CTNNA3: variants seen among roughly 807,000 people sequenced by gnomAD.
CTNNA3 encodes catenin alpha-3.
CTNNA3 carries 76 observed loss-of-function variants against 95.7 expected under a neutral mutation model. The ratio of observed to expected loss-of-function variants is 0.79; its 90% CI spans 0.66 to 0.96. The LOEUF (loss-of-function observed/expected upper bound fraction) is 0.96, where lower values mean the gene tolerates loss of function less well. Among genes scored for constraint, CTNNA3 ranks in the 40% least tolerant of loss-of-function variants. The probability of loss-of-function intolerance (pLI) is 0.00; values close to 1 mark genes in which losing one functional copy is unlikely to be tolerated. For synonymous variants in CTNNA3, 431 were observed against 374.4 expected, an observed-to-expected ratio of 1.15 and a Z score of -1.74; for missense variants, 1,191 against 1,089.8, an observed-to-expected ratio of 1.09 and a Z score of -1.31.
chr10:66,689,648 C>T (rs2132531402), intron 9 of CTNNA3, among the ~76,000 whole-genome samples: 1 of 152,128 alleles, frequency 6.6e-6, no homozygotes, highest in East Asian at 1.9e-4. Context: ...TCTCAAAGCT[C>T]TTTGACATAT....
At chr10:66,391,275 C>A (rs1589183055) in intron 11 of CTNNA3, among the ~76,000 whole-genome samples, 1 of 143,702 alleles carries the variant, frequency 7.0e-6, no homozygotes, top group East Asian at 2.0e-4. Flanking sequence ...AACTCTGCAG[C>A]ACTTATTCAC....
chr10:66,140,052 C>G (rs10996929), intron 13 of CTNNA3, among the ~76,000 whole-genome samples: 22,870 of 152,160 alleles, frequency 0.15, 2,163 homozygotes, highest in Middle Eastern at 0.22. Context: ...ATCATTAAAG[C>G]AGCTATAAAA....
At chr10:67,254,506 C>T (rs1438744375) in intron 5 of CTNNA3, among the ~76,000 whole-genome samples, 1 of 152,094 alleles carries the variant, frequency 6.6e-6, no homozygotes, top group Non-Finnish European at 1.5e-5. Context: ...GCACTGGAAC[C>T]TAGGTCTTTC....
chr10:67,726,501 A>AATAAATT (rs1841224009), intron 1 of CTNNA3, among the ~76,000 whole-genome samples: 1 of 55,952 alleles, frequency 1.8e-5, no homozygotes, highest in African/African-American at 8.8e-5. Context: ...TACAATATAT[A>AATAAATT]ATATATTATA....
intron 1 of CTNNA3, among the ~76,000 whole-genome samples, chr10:67,687,036 T>G (rs1840745582): frequency 6.6e-6 from 1 of 152,128 alleles, no homozygotes. Context: ...GAGCAAAGTC[T>G]CCCAGTTACA....
intron 1 of CTNNA3, among the ~76,000 whole-genome samples, chr10:67,755,071 T>C (rs1436492385): frequency 2.0e-5 from 3 of 152,066 alleles, no homozygotes; most frequent in African/African-American, 7.2e-5. Flanking sequence ...ATGCCTGTAG[T>C]AGTCCTAGCT....
intron 13 of CTNNA3, among the ~76,000 whole-genome samples, chr10:66,259,900 G>T (rs369867054): frequency 6.6e-6 from 1 of 152,186 alleles, no homozygotes; most frequent in Non-Finnish European, 1.5e-5. Context: ...GAGTGTAAAC[G>T]AAAGAGTTGA....
intron 1 of CTNNA3, among the ~76,000 whole-genome samples, chr10:67,668,229 T>A (rs184764753): frequency 7.0e-6 from 1 of 143,452 alleles, no homozygotes; most frequent in African/African-American, 3.0e-5. Flanking sequence ...AGAGATTGAA[T>A]AAGCAGTGAA....
chr10:66,979,301 G>T (rs1043287476), intron 7 of CTNNA3, among the ~76,000 whole-genome samples: 4 of 151,980 alleles, frequency 2.6e-5, no homozygotes, highest in Non-Finnish European at 5.9e-5. Flanking sequence ...TTTAGAATTG[G>T]TTCATCCTAA....
intron 12 of CTNNA3, among the ~76,000 whole-genome samples, chr10:66,327,627 A>G (rs2092270905): frequency 6.6e-6 from 1 of 152,038 alleles, no homozygotes; most frequent in South Asian, 2.1e-4. Context: ...CAAAAATATT[A>G]TCTCTAATCT....
At chr10:67,691,063 C>T (rs9971102) in intron 1 of CTNNA3, among the ~76,000 whole-genome samples, 29,512 of 152,184 alleles carry the variant, frequency 0.19, 3,537 homozygotes, top group African/African-American at 0.34. Flanking sequence ...GACTGGTTTT[C>T]GTATTTTTTT....
intron 13 of CTNNA3, among the ~76,000 whole-genome samples, chr10:66,147,182 T>G (rs1307099098): frequency 1.3e-5 from 2 of 152,128 alleles, no homozygotes; most frequent in African/African-American, 4.8e-5. Flanking sequence ...AGAAAGTGTC[T>G]CTCTTCTAAG....
At chr10:66,249,946 T>G (rs2090484859) in intron 13 of CTNNA3, among the ~76,000 whole-genome samples, 1 of 152,210 alleles carries the variant, frequency 6.6e-6, no homozygotes, top group Non-Finnish European at 1.5e-5. Flanking sequence ...TTAACTTCAC[T>G]TTATAGTAGG....
At chr10:66,738,977 A>T (rs1444409962) in intron 9 of CTNNA3, among the ~76,000 whole-genome samples, 8 of 152,192 alleles carry the variant, frequency 5.3e-5, no homozygotes, top group Admixed American at 5.2e-4. Flanking sequence ...TCCAGAATAG[A>T]GGAAGAAAGA....
At chr10:67,158,722 A>T (rs950285724) in intron 7 of CTNNA3, among the ~76,000 whole-genome samples, 1 of 152,170 alleles carries the variant, frequency 6.6e-6, no homozygotes, top group African/African-American at 2.4e-5. Context: ...GAACCTACTT[A>T]CTGCTTCCTT....
chr10:66,204,647 G>A (rs112775934), intron 13 of CTNNA3, among the ~76,000 whole-genome samples: 2 of 152,116 alleles, frequency 1.3e-5, no homozygotes, highest in African/African-American at 4.8e-5. Context: ...ACCCAAAGGT[G>A]ACCACTTCCT....
intron 11 of CTNNA3, among the ~76,000 whole-genome samples, chr10:66,504,586 T>A (rs761222570): frequency 6.6e-6 from 1 of 152,178 alleles, no homozygotes; most frequent in Non-Finnish European, 1.5e-5. Context: ...CATTGGTAGG[T>A]AGGAACGTGC....
rs57025097 is a variant in CTNNA3 at position 66,996,649 on chromosome 10, C to CAAAAAAAAAAAAAAAAAAA, written c.1047+183649_1047+183667dup. Reference sequence around the variant, plus strand: ...GTGAGAGAGTGAGACTCCGTCTCTACAAAAAAAAAAAAAAAAAAAAAAGCA... The same window carrying CAAAAAAAAAAAAAAAAAAA: ...GTGAGAGAGTGAGACTCCGTCTCTACAAAAAAAAAAAAAAAAAAAAAAAAAAAAAAAAAAAAAAAAAGCA... On this transcript the variant is annotated intron_variant, in intron 7 of 17. Coordinates refer to ENST00000433211, the MANE Select transcript of CTNNA3 (RefSeq NM_013266.4). Among the ~76,000 whole-genome samples, 16 of 67,638 alleles carry CAAAAAAAAAAAAAAAAAAA rather than the reference C, an allele frequency of 2.4e-4. 4 individuals are homozygous for CAAAAAAAAAAAAAAAAAAA. Among genetic ancestry groups the CAAAAAAAAAAAAAAAAAAA allele is most frequent in the Admixed American group, 1.1e-3 (4 of 3,668 alleles). The allele number at this position is 67,638 out of a possible 152,430, so 44.4% of individuals were successfully genotyped here. A position where few individuals can be genotyped will look rare whatever the true frequency, so the allele number is the denominator to read the frequency against.
chr10:66,314,490 T>G (rs1401483392), intron 12 of CTNNA3, among the ~76,000 whole-genome samples: 1 of 152,124 alleles, frequency 6.6e-6, no homozygotes, highest in East Asian at 1.9e-4. Flanking sequence ...ATCATTCTTT[T>G]TTCCTTTTCT....
Sources: allele counts gnomAD v4.1 joint callset (sites outside exome capture counted in the v4.1 genomes callset), GRCh38; gene constraint gnomAD v4.1.1; transcripts MANE v1.5; gene names NCBI Gene and HGNC (gene_info 2026-07-23, HGNC 2026-07-21).